CHCT1: variants seen among roughly 807,000 people sequenced by gnomAD.
CHCT1 encodes CHD1 helical C-terminal domain containing protein 1.
At chr17:60,426,794 A>T in the CHCT1 span, 2 of 1,607,858 alleles carry the variant, frequency 1.2e-6, no homozygotes, top group South Asian at 2.2e-5. Flanking sequence ...GTACACCAAG[A>T]GCAGCCAGCC....
the CHCT1 span, among the ~76,000 whole-genome samples, chr17:60,424,907 C>T: frequency 2.0e-5 from 3 of 152,014 alleles, no homozygotes; most frequent in East Asian, 1.9e-4. Context: ...AAGGATACTC[C>T]CTTAACTGCT....
chr17:60,426,954 CT>C, the CHCT1 span: 2 of 1,458,566 alleles, frequency 1.4e-6, no homozygotes, highest in South Asian at 2.7e-5. Context: ...CAAGACTCTG[CT>C]GCTTGACCTT....
chr17:60,422,646 G>C, the CHCT1 span: 1 of 1,546,570 alleles, frequency 6.5e-7, no homozygotes, highest in Admixed American at 2.0e-5. Flanking sequence ...TAGAGCAGGT[G>C]AAGTGGGGTG....
At chr17:60,425,146 AC>A in the CHCT1 span, among the ~76,000 whole-genome samples, 3 of 151,490 alleles carry the variant, frequency 2.0e-5, no homozygotes, top group Admixed American at 6.6e-5. Context: ...CTCCTTAAAA[AC>A]CCCAGTCCAG....
At chr17:60,421,888 C>T in the CHCT1 span, 3 of 985,478 alleles carry the variant, frequency 3.0e-6, no homozygotes, top group Non-Finnish European at 3.6e-6. Context: ...CGCGTCTCAG[C>T]GCCTCCTGTG....
chr17:60,430,477 T>C, the CHCT1 span, among the ~76,000 whole-genome samples: 2 of 152,260 alleles, frequency 1.3e-5, no homozygotes, highest in East Asian at 3.9e-4. Flanking sequence ...TAAGTTATTT[T>C]ATTTTTTATT....
chr17:60,421,778 G>A, the CHCT1 span: 103 of 924,708 alleles, frequency 1.1e-4, no homozygotes, highest in Non-Finnish European at 1.3e-4. Flanking sequence ...CGGGTCCCTG[G>A]AGGGCTCGCG....
the CHCT1 span, among the ~76,000 whole-genome samples, chr17:60,423,219 TCTCA>T: frequency 6.6e-6 from 1 of 150,814 alleles, no homozygotes; most frequent in South Asian, 2.1e-4. Context: ...TGAGACAGAG[TCTCA>T]CTCTGTCACC....
the CHCT1 span, chr17:60,429,486 C>A: frequency 1.2e-6 from 2 of 1,614,258 alleles, no homozygotes; most frequent in Non-Finnish European, 1.7e-6. Context: ...GAGCGGCTGT[C>A]CAACATGCAG....
chr17:60,423,787 C>T, the CHCT1 span, among the ~76,000 whole-genome samples: 1 of 152,196 alleles, frequency 6.6e-6, no homozygotes, highest in Admixed American at 6.5e-5. Flanking sequence ...TTTCTTTGCC[C>T]CACTTTTGTG....
chr17:60,426,308 C>T, the CHCT1 span: 1 of 1,551,546 alleles, frequency 6.4e-7, no homozygotes, highest in Non-Finnish European at 8.7e-7. Flanking sequence ...GCATTACTGC[C>T]AAGCCTGGGA....
At chr17:60,426,208 C>T in the CHCT1 span, 6 of 1,551,812 alleles carry the variant, frequency 3.9e-6, no homozygotes, top group South Asian at 2.4e-5. Context: ...GAAAGTTGCA[C>T]CTGCCCAGGG....
chr17:60,421,842 G>T, the CHCT1 span: 1 of 985,386 alleles, frequency 1.0e-6, no homozygotes, highest in Non-Finnish European at 1.2e-6. Context: ...TCCCCGCCTG[G>T]TGGCTGCGCA....
At chr17:60,427,209 G>C in the CHCT1 span, among the ~76,000 whole-genome samples, 4 of 152,164 alleles carry the variant, frequency 2.6e-5, no homozygotes, top group African/African-American at 9.7e-5. Context: ...GCAGCACAGG[G>C]GCAGCTCTGA....
chr17:60,426,419 C>T, the CHCT1 span: 1 of 1,368,330 alleles, frequency 7.3e-7, no homozygotes, highest in South Asian at 1.5e-5. Flanking sequence ...TAGTCAATCC[C>T]CCAGTCCTTC....
chr17:60,427,886 C>T, the CHCT1 span, among the ~76,000 whole-genome samples: 1 of 152,130 alleles, frequency 6.6e-6, no homozygotes, highest in Non-Finnish European at 1.5e-5. Context: ...CTTAGGTTCA[C>T]TGTCTCTTAG....
the CHCT1 span, among the ~76,000 whole-genome samples, chr17:60,430,845 T>C: frequency 6.6e-6 from 1 of 152,248 alleles, no homozygotes. Flanking sequence ...AATTGGGTCA[T>C]GAGGCCTAGG....
the CHCT1 span, chr17:60,422,793 T>C: frequency 1.1e-6 from 1 of 878,348 alleles, no homozygotes. Context: ...CTTTCATTCA[T>C]TCAGAAGTTT....
chr17:60,422,846 G>A, the CHCT1 span, among the ~76,000 whole-genome samples: 79 of 152,068 alleles, frequency 5.2e-4, 1 homozygote, highest in Non-Finnish European at 6.3e-4. Flanking sequence ...GGAAGAGGTC[G>A]CCTCTCATTG....
Sources: allele counts gnomAD v4.1 joint callset (sites outside exome capture counted in the v4.1 genomes callset), GRCh38; gene constraint gnomAD v4.1.1; transcripts MANE v1.5; gene names NCBI Gene and HGNC (gene_info 2026-07-23, HGNC 2026-07-21).